ITPR2: variants seen among roughly 807,000 people sequenced by gnomAD.
ITPR2 encodes inositol 1,4,5-trisphosphate receptor type 2.
ITPR2 carries 207 observed loss-of-function variants against 317.1 expected under a neutral mutation model. The ratio of observed to expected loss-of-function variants is 0.65; its 90% CI spans 0.58 to 0.73. The LOEUF (loss-of-function observed/expected upper bound fraction) is 0.73, where lower values mean the gene tolerates loss of function less well. Among genes scored for constraint, ITPR2 ranks in the 30% least tolerant of loss-of-function variants. ITPR2 has a pLI of 0.00. For missense variants in ITPR2, 2,613 were observed against 3,284.0 expected (o/e 0.80, Z 4.99); for synonymous variants, 1,156 against 1,149.1 (o/e 1.01, Z -0.12).
intron 26 of ITPR2, among the ~76,000 whole-genome samples, chr12:26,604,169 G>C (rs1300716480): frequency 1.3e-5 from 2 of 152,160 alleles, no homozygotes; most frequent in African/African-American, 4.8e-5. Context: ...TAATCAAACA[G>C]TGCTGATGAA....
rs75244096 is a variant in ITPR2, at chr12:26,394,752, T to C, written c.7696+4124A>G. ...AGTCTGGCAACACCGAGCAGACCAT[T>C]TGGGGTTGTGAGCCCGGGTTAGCCT... On this transcript the variant is annotated intron_variant, in intron 54 of 56. Transcript: ENST00000381340. Among the ~76,000 whole-genome samples, 665 of 152,206 alleles carry C rather than the reference T, an allele frequency of 4.4e-3. 4 individuals carry two copies. Among genetic ancestry groups the C allele is most frequent in the East Asian group, 0.027 (138 of 5,172 alleles).
intron 27 of ITPR2, 36 bp downstream of exon 27, chr12:26,602,581 T>C: frequency 6.4e-7 from 1 of 1,574,130 alleles, no homozygotes; most frequent in South Asian, 1.1e-5. Context: ...GGCATGCAAA[T>C]ATAAACCTAT....
intron 55 of ITPR2, among the ~76,000 whole-genome samples, chr12:26,383,650 A>ATTTTT (rs10687022): frequency 7.4e-6 from 1 of 134,356 alleles, no homozygotes; most frequent in Non-Finnish European, 1.6e-5. Context: ...CGCCTGGCTA[A>ATTTTT]TTTTTTTTTT....
chr12:26,717,183 A>C (rs2137034255), intron 5 of ITPR2, among the ~76,000 whole-genome samples: 1 of 152,306 alleles, frequency 6.6e-6, no homozygotes, highest in East Asian at 1.9e-4. Flanking sequence ...TATATTTTAT[A>C]CCAAGTAAAT....
chr12:26,402,579 TGA>T (rs1940212215), intron 52 of ITPR2, among the ~76,000 whole-genome samples: 1 of 152,236 alleles, frequency 6.6e-6, no homozygotes, highest in Admixed American at 6.5e-5. Flanking sequence ...AAATCTATAA[TGA>T]GAGAATTGGT....
chr12:26,799,812 T>C (rs988947483), intron 1 of ITPR2, among the ~76,000 whole-genome samples: 8 of 152,360 alleles, frequency 5.3e-5, no homozygotes, highest in African/African-American at 1.9e-4. Context: ...ATCTGCAAAG[T>C]ACTTTTCTCA....
At position 26,832,744 on chromosome 12, in the gene ITPR2, T is replaced by C. The variant is rs752590283; in HGVS notation, c.38A>G (p.Asp13Gly). The change falls in exon 1 of 57, where the codon GAC becomes GGC. Residue 13 changes from aspartate (D) to glycine (G), a missense_variant. Asp to Gly is a moderately conservative substitution (Grantham distance 94, BLOSUM62 -1). Transcript: ENST00000381340. ...GCCCTCCGCGTACAGGGACACGATG[T>C]CCCCTATGTAGAGGAAGCTGGACAT... ...EKMSSFLYIG[D>G]IVSLYAEGSV... 1 of 1,602,102 alleles carries C rather than the reference T, an allele frequency of 6.2e-7. No homozygotes were observed. The highest frequency in any genetic ancestry group is 2.3e-5 in the East Asian group (1 of 43,242).
rs543531503 is a variant in ITPR2, at chr12:26,461,753, C to A, written c.6342+13543G>T. ...AGTTACATATATGTGTATAGGGATACATTTCTAGAAGTTTTCTGAGACCAG... is the reference window on the plus strand; with the variant it reads ...AGTTACATATATGTGTATAGGGATAAATTTCTAGAAGTTTTCTGAGACCAG... On this transcript the variant is annotated intron_variant, in intron 45 of 56. Transcript: ENST00000381340. Among the ~76,000 whole-genome samples, 7 of 148,580 alleles carry A rather than the reference C, an allele frequency of 4.7e-5. No individual in the cohort carries two copies. The South Asian group carries it at 1.5e-3, about 32-fold the overall frequency.
At chr12:26,682,100 C>T (rs1948044610) in intron 12 of ITPR2, 66 bp from the exon 13 acceptor site, 5 of 1,261,788 alleles carry the variant, frequency 4.0e-6, no homozygotes, top group Non-Finnish European at 1.1e-6. Context: ...AAGACTAACA[C>T]ATCTAGTACT....
intron 22 of ITPR2, 74 bp from the exon 23 acceptor site, chr12:26,628,236 C>A: frequency 8.9e-7 from 1 of 1,129,204 alleles, no homozygotes; most frequent in Non-Finnish European, 1.2e-6. Flanking sequence ...CACAACACAC[C>A]AATAACAGTG....
chr12:26,731,923 T>C (rs1234454168), intron 2 of ITPR2, among the ~76,000 whole-genome samples: 1 of 152,220 alleles, frequency 6.6e-6, no homozygotes, highest in Non-Finnish European at 1.5e-5. Flanking sequence ...CCCTAAGAAA[T>C]GCATCCTGAA....
chr12:26,446,105 G>T (rs1941604625), intron 45 of ITPR2, among the ~76,000 whole-genome samples: 1 of 152,094 alleles, frequency 6.6e-6, no homozygotes, highest in South Asian at 2.1e-4. Context: ...TCTCAGTGAA[G>T]TAGGAAGCTG....
chr12:26,725,974 ATTAAT>A (rs535611734), intron 2 of ITPR2: 2 of 428,222 alleles, frequency 4.7e-6, no homozygotes, highest in African/African-American at 2.0e-5. Flanking sequence ...CCACTTCTTC[ATTAAT>A]TTAAGTTTTT....
chr12:26,577,074 C>G (rs77068945), intron 34 of ITPR2, among the ~76,000 whole-genome samples: 1 of 152,224 alleles, frequency 6.6e-6, no homozygotes, highest in Non-Finnish European at 1.5e-5. Flanking sequence ...ACCAGATGCA[C>G]GCCTCTCCAT....
intron 37 of ITPR2, among the ~76,000 whole-genome samples, chr12:26,523,356 TTTTAA>T (rs1435577846): frequency 6.6e-6 from 1 of 152,228 alleles, no homozygotes; most frequent in Non-Finnish European, 1.5e-5. Context: ...CACAACTTAG[TTTTAA>T]TTTAATTGAA....
chr12:26,599,494 TGA>T lies in ITPR2; in HGVS notation c.3802-151_3802-150del. On this transcript the variant is annotated intron_variant, in intron 29 of 56. Coordinates refer to ENST00000381340, the MANE Select transcript of ITPR2 (RefSeq NM_002223.4). ...TGTGCATGTCTTTCAAAAAATGCGATGAGATCATTAACCATTAAAAGAAAACT... is the reference window on the plus strand; with the variant it reads ...TGTGCATGTCTTTCAAAAAATGCGATGATCATTAACCATTAAAAGAAAACT... 3 of 691,830 alleles carry T rather than the reference TGA, an allele frequency of 4.3e-6. No individual in the cohort carries two copies. In the South Asian group the frequency reaches 5.8e-5, roughly 13 times the overall value. 42.9% of individuals were successfully genotyped at this position (691,830 alleles called of 1,614,324 possible). A position where few individuals can be genotyped will look rare whatever the true frequency, so the allele number is the denominator to read the frequency against.
intron 11 of ITPR2, among the ~76,000 whole-genome samples, chr12:26,682,955 C>G (rs1325279172): frequency 6.6e-6 from 1 of 152,154 alleles, no homozygotes; most frequent in Non-Finnish European, 1.5e-5. Context: ...TCATCCCCAT[C>G]GACTGAATCA....
At chr12:26,513,098 C>T (rs1197276650) in intron 37 of ITPR2, among the ~76,000 whole-genome samples, 1 of 152,056 alleles carries the variant, frequency 6.6e-6, no homozygotes, top group Non-Finnish European at 1.5e-5. Flanking sequence ...GCCTAGGCCT[C>T]CCAAAGTGCT....
intron 15 of ITPR2, among the ~76,000 whole-genome samples, chr12:26,660,124 G>C (rs1424086687): frequency 1.3e-5 from 2 of 152,184 alleles, no homozygotes; most frequent in African/African-American, 4.8e-5. Flanking sequence ...AAGGCCCTGA[G>C]GTAGTAGAAC....
Sources: gnomAD v4.1 joint callset for allele counts (sites outside exome capture counted in the v4.1 genomes callset) on GRCh38, gnomAD v4.1.1 for gene constraint, MANE v1.5 for transcripts, NCBI Gene and HGNC (gene_info 2026-07-23, HGNC 2026-07-21) for gene names.